The following C11orf65 variants were observed in gnomAD, a reference collection of about 807,000 sequenced individuals.
C11orf65 encodes chromosome 11 open reading frame 65.
Under a neutral mutation model 35.3 loss-of-function variants are expected in C11orf65, and 38 were observed. The observed-to-expected ratio is 1.08, with a 90% CI of 0.83 to 1.41. C11orf65 has a LOEUF of 1.41. Ranked by LOEUF, C11orf65 falls within the 40% of genes most tolerant of loss-of-function variation. The pLI, the probability that C11orf65 is intolerant of heterozygous loss-of-function variation, is 0.00. For synonymous variants in C11orf65, 105 were observed against 114.4 expected (o/e 0.92, Z 0.53); for missense variants, 370 against 367.1 (o/e 1.01, Z -0.06).
At chr11:108,405,058 T>C (rs1464139272) in intron 6 of C11orf65, among the ~76,000 whole-genome samples, 1 of 152,234 alleles carries the variant, frequency 6.6e-6, no homozygotes, top group Non-Finnish European at 1.5e-5. Flanking sequence ...TGTTTACTCA[T>C]GCGGTCTTAA....
chr11:108,367,900 A>T (rs2091416623), intron 2 of C11orf65: 2 of 205,462 alleles, frequency 9.7e-6, no homozygotes, highest in African/African-American at 4.6e-5. Flanking sequence ...ACTATAGTAA[A>T]TCAAGGAAAT....
chr11:108,464,544 T>G (rs2093511413), intron 1 of C11orf65, among the ~76,000 whole-genome samples: 1 of 152,118 alleles, frequency 6.6e-6, no homozygotes, highest in African/African-American at 2.4e-5. Flanking sequence ...GTATTTTAAG[T>G]AGAGATGGGG....
chr11:108,358,017 A>C (rs1288284058), intron 2 of C11orf65, among the ~76,000 whole-genome samples: 3 of 145,366 alleles, frequency 2.1e-5, no homozygotes, highest in African/African-American at 7.5e-5. Flanking sequence ...AGGACATTCA[A>C]ACCAAAGGCA....
intron 2 of C11orf65, among the ~76,000 whole-genome samples, chr11:108,352,454 A>C (rs1429252247): frequency 6.6e-6 from 1 of 152,204 alleles, no homozygotes; most frequent in African/African-American, 2.4e-5. Flanking sequence ...GAGCCGTAGA[A>C]ATTACCCAAG....
intron 6 of C11orf65, among the ~76,000 whole-genome samples, chr11:108,401,494 G>A (rs1285776901): frequency 6.6e-6 from 1 of 152,146 alleles, no homozygotes; most frequent in Non-Finnish European, 1.5e-5. Flanking sequence ...CTCTAGCTGT[G>A]CAGCTGCAAG....
At chr11:108,444,085 A>G (rs1193948009) in intron 2 of C11orf65, among the ~76,000 whole-genome samples, 5 of 152,188 alleles carry the variant, frequency 3.3e-5, no homozygotes, top group African/African-American at 4.8e-5. Context: ...AGACTAATAA[A>G]GAAGAAAAGA....
Position 108,387,148 on chromosome 11 carries a change from CTTTT to C in C11orf65, c.732-1177_732-1174del, listed in dbSNP as rs1175890979. On this transcript the variant is annotated intron_variant, in intron 7 of 8. Transcript: ENST00000393084. ...TGATTTTCTTTTCTTTTCTTTCTTT[CTTTT>C]TTTTTTTTTTTTTTTTTTTGAGACA... Among the ~76,000 whole-genome samples, 13 of 84,408 alleles carry C rather than the reference CTTTT, an allele frequency of 1.5e-4. No homozygotes were observed. The South Asian group carries it at 2.5e-3, about 16-fold the overall frequency. 55.4% of individuals were successfully genotyped at this position (84,408 alleles called of 152,430 possible). A position where few individuals can be genotyped will look rare whatever the true frequency, so the allele number is the denominator to read the frequency against.
intron 2 of C11orf65, among the ~76,000 whole-genome samples, chr11:108,373,571 C>T (rs573000942): frequency 3.1e-4 from 47 of 152,322 alleles, no homozygotes; most frequent in South Asian, 2.1e-4. Flanking sequence ...GGAACAGCTC[C>T]GGTCTACAGC....
At chr11:108,350,138 G>C (rs1261292359) in intron 2 of C11orf65, among the ~76,000 whole-genome samples, 2 of 152,162 alleles carry the variant, frequency 1.3e-5, no homozygotes, top group Non-Finnish European at 2.9e-5. Flanking sequence ...GACATGCCAA[G>C]CAGTTTAAGG....
chr11:108,329,221 T>G (rs876658715), downstream of C11orf65: 1 of 1,613,348 alleles, frequency 6.2e-7, no homozygotes, highest in Non-Finnish European at 8.5e-7. Context: ...TTAGGGAACA[T>G]AAAATTCAGA....
chr11:108,457,690 G>C (rs1345687370), intron 2 of C11orf65, among the ~76,000 whole-genome samples: 1 of 152,128 alleles, frequency 6.6e-6, no homozygotes, highest in African/African-American at 2.4e-5. Flanking sequence ...GAGGGTGAAA[G>C]AAAGTAGGAT....
chr11:108,461,486 C>T lies in C11orf65; in HGVS notation c.74G>A (p.Ser25Asn). 1 of 1,605,756 alleles carries T rather than the reference C, an allele frequency of 6.2e-7. No homozygotes were observed. The highest frequency in any genetic ancestry group is 1.7e-5 in the Admixed American group (1 of 59,252). Residue 25 changes from serine (S) to asparagine (N), a missense_variant, in exon 2 of 9, where the codon AGT becomes AAT. Ser to Asn is a conservative substitution (Grantham distance 46, BLOSUM62 1). Transcript: ENST00000393084. ...AARVIQQAWK[S>N]FLNVAIFQHF... ...ACTTCTAAATAAACTCACAAGGAAA[C>T]TTTTCCAGGCCTGCTGAATGACTCT...
At chr11:108,323,573 A>G (rs1342594551) in intron 6 of C11orf65, among the ~76,000 whole-genome samples, 4 of 152,234 alleles carry the variant, frequency 2.6e-5, no homozygotes, top group African/African-American at 9.6e-5. Context: ...TCCAACACAA[A>G]TGATAAATGT....
At chr11:108,322,831 A>G (rs2085333184) in intron 6 of C11orf65, among the ~76,000 whole-genome samples, 1 of 151,542 alleles carries the variant, frequency 6.6e-6, no homozygotes, top group East Asian at 1.9e-4. Context: ...GTTACACTCC[A>G]TTCGGTTTTA....
intron 6 of C11orf65, among the ~76,000 whole-genome samples, chr11:108,325,894 G>A (rs932923759): frequency 1.3e-5 from 2 of 152,158 alleles, no homozygotes; most frequent in Middle Eastern, 3.2e-3. Context: ...ATAGGCAGAC[G>A]TGGGGTGGGG....
chr11:108,394,575 G>C (rs745857008), intron 6 of C11orf65, among the ~76,000 whole-genome samples: 13 of 152,292 alleles, frequency 8.5e-5, no homozygotes, highest in Non-Finnish European at 1.8e-4. Flanking sequence ...AGTAACTAGA[G>C]AGAAGTTAGT....
chr11:108,431,729 A>G lies in C11orf65; in HGVS notation c.174+17T>C, dbSNP rs781383280. The G allele has an allele frequency of 4.0e-5, 52 of 1,300,348 alleles. No individual in the cohort carries two copies. Among genetic ancestry groups the G allele is most frequent in the Non-Finnish European group, 5.2e-5 (50 of 956,758 alleles). 80.6% of individuals were successfully genotyped at this position (1,300,348 alleles called of 1,614,324 possible). ...TGGAAAAATATAGGATGCTATATCA[A>G]TAAGTAATGTCCTTACCTCTTTGGG... On this transcript the variant is annotated intron_variant, in intron 3 of 8. Transcript: ENST00000393084.
chr11:108,457,068 C>A (rs1028493518), intron 2 of C11orf65, among the ~76,000 whole-genome samples: 4 of 151,910 alleles, frequency 2.6e-5, no homozygotes, highest in Admixed American at 1.3e-4. Flanking sequence ...TTGTTCTCAT[C>A]ATATATAATG....
At chr11:108,384,571 C>T (rs565498079) in intron 8 of C11orf65, among the ~76,000 whole-genome samples, 11 of 152,074 alleles carry the variant, frequency 7.2e-5, no homozygotes, top group African/African-American at 1.9e-4. Context: ...GGGCAGATCA[C>T]GAGTCCAGCC....
Sources: gnomAD v4.1 joint callset for allele counts (sites outside exome capture counted in the v4.1 genomes callset) on GRCh38, gnomAD v4.1.1 for gene constraint, MANE v1.5 for transcripts, NCBI Gene and HGNC (gene_info 2026-07-23, HGNC 2026-07-21) for gene names.